STARD13: variants seen among roughly 807,000 people sequenced by gnomAD.
The protein encoded by STARD13 is StAR related lipid transfer domain containing 13.
In STARD13, 62 loss-of-function variants were observed where a neutral mutation model predicts 106.4. The ratio of observed to expected loss-of-function variants is 0.58; its 90% CI spans 0.48 to 0.72. STARD13 has a LOEUF of 0.72. Among genes scored for constraint, STARD13 ranks in the 30% least tolerant of loss-of-function variants. The pLI is 0.00. For missense variants in STARD13, 1,387 were observed against 1,424.0 expected (o/e 0.97, Z 0.42); for synonymous variants, 565 against 553.0 (o/e 1.02, Z -0.31).
upstream of STARD13, among the ~76,000 whole-genome samples, chr13:33,287,822 G>A (rs532580746): frequency 3.9e-5 from 6 of 152,120 alleles, no homozygotes; most frequent in Admixed American, 6.6e-5. Context: ...GGAAGAGAAT[G>A]GAAGGAGGGT....
At chr13:33,292,786 T>C (rs1892344234) in intron 1 of STARD13, among the ~76,000 whole-genome samples, 1 of 152,148 alleles carries the variant, frequency 6.6e-6, no homozygotes, top group African/African-American at 2.4e-5. Flanking sequence ...TCGAAAACCG[T>C]GGTTCAAGTA....
chr13:33,465,647 A>G, the STARD13 span, among the ~76,000 whole-genome samples: 4 of 152,182 alleles, frequency 2.6e-5, no homozygotes. Context: ...ATCCGAACTC[A>G]TATCACTCTC....
rs181781372 is a variant in STARD13 at position 33,152,677 on chromosome 13, T to C, written c.324-10304A>G. ...TGGGCTTTGCCCAGCCCAGCCCACATACCTCCTCCGATGTCAATTCTCTGC... is the reference window on the plus strand; with the variant it reads ...TGGGCTTTGCCCAGCCCAGCCCACACACCTCCTCCGATGTCAATTCTCTGC... On this transcript the variant is annotated intron_variant, in intron 3 of 13. Transcript: ENST00000336934. Among the ~76,000 whole-genome samples, 3 of 152,294 alleles carry C rather than the reference T, an allele frequency of 2.0e-5. No individual in the cohort carries two copies. The East Asian group carries it at 5.8e-4, about 29-fold the overall frequency.
At chr13:33,339,641 G>A (rs1247058688) in intron 1 of STARD13, among the ~76,000 whole-genome samples, 1 of 152,140 alleles carries the variant, frequency 6.6e-6, no homozygotes, top group Non-Finnish European at 1.5e-5. Context: ...CAAACACTTA[G>A]CACAAAGCCT....
At chr13:33,645,048 G>A in the STARD13 span, among the ~76,000 whole-genome samples, 1 of 152,204 alleles carries the variant, frequency 6.6e-6, no homozygotes, top group Non-Finnish European at 1.5e-5. Context: ...GATGGAAGCA[G>A]GAGTCTCTTG....
At chr13:33,480,930 A>T in the STARD13 span, among the ~76,000 whole-genome samples, 2 of 152,290 alleles carry the variant, frequency 1.3e-5, no homozygotes, top group African/African-American at 4.8e-5. Flanking sequence ...GTAATTTTTT[A>T]TTAGGGTCAG....
At chr13:33,220,735 T>C (rs1024102924) in intron 1 of STARD13, among the ~76,000 whole-genome samples, 2 of 152,206 alleles carry the variant, frequency 1.3e-5, no homozygotes, top group African/African-American at 2.4e-5. Context: ...ATTTAATATT[T>C]GATATCTCTA....
intron 1 of STARD13, among the ~76,000 whole-genome samples, chr13:33,218,287 T>C (rs1181911524): frequency 6.6e-6 from 1 of 151,654 alleles, no homozygotes; most frequent in African/African-American, 2.4e-5. Context: ...TCCCATGGAA[T>C]GTGGGCTGTC....
chr13:33,469,924 A>G, the STARD13 span, among the ~76,000 whole-genome samples: 3 of 152,094 alleles, frequency 2.0e-5, no homozygotes, highest in African/African-American at 7.2e-5. Flanking sequence ...ATTTTTTATT[A>G]TACTTTAAGT....
intron 1 of STARD13, among the ~76,000 whole-genome samples, chr13:33,253,627 G>A (rs1890194875): frequency 6.6e-6 from 1 of 152,128 alleles, no homozygotes; most frequent in Non-Finnish European, 1.5e-5. Context: ...ATGAGGGCAG[G>A]GATGCCTTCT....
chr13:33,353,749 G>T (rs371663978), upstream of STARD13, among the ~76,000 whole-genome samples: 59 of 152,268 alleles, frequency 3.9e-4, 1 homozygote, highest in East Asian at 1.4e-3. Context: ...AGCCTTCCCT[G>T]ACACCCAACC....
chr13:33,360,290 C>T, the STARD13 span, among the ~76,000 whole-genome samples: 9 of 152,010 alleles, frequency 5.9e-5, no homozygotes, highest in African/African-American at 2.2e-4. Context: ...CTGCAAACCC[C>T]GCCTCCCAGG....
intron 1 of STARD13, chr13:33,349,296 C>A: frequency 2.9e-6 from 2 of 698,856 alleles, no homozygotes; most frequent in South Asian, 3.0e-5. Context: ...ATGCTTCCCC[C>A]AGTCCCCGAA....
the STARD13 span, among the ~76,000 whole-genome samples, chr13:33,505,698 G>C: frequency 3.3e-5 from 5 of 152,058 alleles, no homozygotes; most frequent in African/African-American, 1.2e-4. Flanking sequence ...TCGAAGTCTA[G>C]TTTGACATAC....
chr13:33,247,565 T>C (rs1889891077), intron 1 of STARD13, among the ~76,000 whole-genome samples: 1 of 152,124 alleles, frequency 6.6e-6, no homozygotes, highest in Admixed American at 6.6e-5. Flanking sequence ...TATATTTCTA[T>C]CATATATTTT....
At chr13:33,444,288 A>G in the STARD13 span, among the ~76,000 whole-genome samples, 1 of 152,172 alleles carries the variant, frequency 6.6e-6, no homozygotes, top group African/African-American at 2.4e-5. Flanking sequence ...AGAACTCTAG[A>G]ACTGTAAGAA....
At chr13:33,559,178 GA>G in the STARD13 span, among the ~76,000 whole-genome samples, 1 of 151,598 alleles carries the variant, frequency 6.6e-6, no homozygotes, top group Non-Finnish European at 1.5e-5. Flanking sequence ...AAATGCTTTT[GA>G]AGACTAATAC....
the STARD13 span, among the ~76,000 whole-genome samples, chr13:33,503,575 T>A: frequency 1.3e-5 from 2 of 152,242 alleles, no homozygotes; most frequent in African/African-American, 4.8e-5. Context: ...GATTCTGGTA[T>A]GTTTTGTCTT....
the STARD13 span, among the ~76,000 whole-genome samples, chr13:33,458,475 T>C: frequency 4.6e-5 from 7 of 152,308 alleles, no homozygotes; most frequent in Non-Finnish European, 1.0e-4. Context: ...GAATCTTTTA[T>C]AATCTGGTTT....
Sources: allele counts gnomAD v4.1 joint callset (sites outside exome capture counted in the v4.1 genomes callset), GRCh38; gene constraint gnomAD v4.1.1; transcripts MANE v1.5; gene names NCBI Gene and HGNC (gene_info 2026-07-23, HGNC 2026-07-21).